The following SYNDIG1L variants were observed in gnomAD, a reference collection of about 807,000 sequenced individuals.
The protein encoded by SYNDIG1L is synapse differentiation inducing 1 like, also known as synapse differentiation-inducing gene protein 1-like.
A neutral mutation model predicts 20.1 loss-of-function variants in SYNDIG1L; 13 were observed. The observed-to-expected ratio is 0.65, with a 90% CI of 0.42 to 1.03. SYNDIG1L has a LOEUF of 1.03. SYNDIG1L is among the 50% of genes least tolerant of loss of function. SYNDIG1L has a pLI of 0.00. For synonymous variants in SYNDIG1L, 128 were observed against 129.3 expected (o/e 0.99, Z 0.07); for missense variants, 294 against 305.1 (o/e 0.96, Z 0.27).
chr14:74,468,921 G>A, the SYNDIG1L span, among the ~76,000 whole-genome samples: 2 of 152,116 alleles, frequency 1.3e-5, no homozygotes, highest in Non-Finnish European at 2.9e-5. Context: ...TAACCTCACT[G>A]TATCTTGTCT....
rs2086164323 is a variant in SYNDIG1L at position 74,415,091 on chromosome 14, G to A, written c.-57-5290C>T. 1.3e-5 allele frequency among the ~76,000 whole-genome samples: 2 copies of A among 152,206 alleles called. 1 individual carries two copies. The highest frequency in any genetic ancestry group is 4.1e-4 in the South Asian group (2 of 4,830). ...GGTGAAAAATTGGAGGTCAGGACCT[G>A]TTAAGGAGGAGGGCCCCCAATAAAT... On this transcript the variant is annotated intron_variant, in intron 1 of 3. Coordinates refer to ENST00000331628, the MANE Select transcript of SYNDIG1L (RefSeq NM_001105579.2).
At chr14:74,438,652 C>T in the SYNDIG1L span, among the ~76,000 whole-genome samples, 1 of 152,210 alleles carries the variant, frequency 6.6e-6, no homozygotes, top group Non-Finnish European at 1.5e-5. Context: ...AGAAGCCTGA[C>T]TGTCCCTTGA....
At chr14:74,457,546 A>G in the SYNDIG1L span, among the ~76,000 whole-genome samples, 1 of 151,140 alleles carries the variant, frequency 6.6e-6, no homozygotes, top group African/African-American at 2.4e-5. Flanking sequence ...CACTGGTCAC[A>G]TTTACTTTCT....
At chr14:74,413,882 G>A (rs1199984066) in intron 1 of SYNDIG1L, among the ~76,000 whole-genome samples, 1 of 152,134 alleles carries the variant, frequency 6.6e-6, no homozygotes, top group East Asian at 1.9e-4. Context: ...GTCCAGCCAA[G>A]GGTCATGGTT....
At chr14:74,445,037 G>A in the SYNDIG1L span, among the ~76,000 whole-genome samples, 3,174 of 152,276 alleles carry the variant, frequency 0.021, 102 homozygotes, top group African/African-American at 0.067. Flanking sequence ...CTAGTGGGAG[G>A]TGTCTGGGTC....
chr14:74,410,472 G>T (rs900079515), intron 1 of SYNDIG1L, among the ~76,000 whole-genome samples: 1 of 152,158 alleles, frequency 6.6e-6, no homozygotes, highest in Non-Finnish European at 1.5e-5. Flanking sequence ...CTAAGAGGGG[G>T]TACTAGGTTA....
the SYNDIG1L span, among the ~76,000 whole-genome samples, chr14:74,457,907 C>T: frequency 6.6e-6 from 1 of 152,084 alleles, no homozygotes; most frequent in Non-Finnish European, 1.5e-5. Flanking sequence ...AAGTGATTCT[C>T]CCACCCCAGC....
chr14:74,462,773 T>C, the SYNDIG1L span, among the ~76,000 whole-genome samples: 7 of 152,330 alleles, frequency 4.6e-5, no homozygotes, highest in South Asian at 1.5e-3. Context: ...CCCAAAGTGC[T>C]GCAATTACAG....
chr14:74,458,112 A>T, the SYNDIG1L span, among the ~76,000 whole-genome samples: 1 of 152,062 alleles, frequency 6.6e-6, no homozygotes, highest in Non-Finnish European at 1.5e-5. Flanking sequence ...ACAATTTCTG[A>T]GAGAAACTTG....
chr14:74,464,030 T>A, the SYNDIG1L span, among the ~76,000 whole-genome samples: 1 of 152,210 alleles, frequency 6.6e-6, no homozygotes, highest in African/African-American at 2.4e-5. Context: ...CAATTCCTTG[T>A]CCATTTCCAG....
At chr14:74,456,459 G>C in the SYNDIG1L span, among the ~76,000 whole-genome samples, 1 of 152,176 alleles carries the variant, frequency 6.6e-6, no homozygotes, top group African/African-American at 2.4e-5. Flanking sequence ...GAACCTGGGA[G>C]GGGGAGGTTG....
At chr14:74,408,532 C>CCAG (rs1270628980) in intron 2 of SYNDIG1L, among the ~76,000 whole-genome samples, 3 of 150,402 alleles carry the variant, frequency 2.0e-5, no homozygotes, top group African/African-American at 7.4e-5. Context: ...CCTTTGCACT[C>CCAG]CAGCCGGGGC....
At chr14:74,408,961 C>T (rs1460257842) in intron 2 of SYNDIG1L, among the ~76,000 whole-genome samples, 1 of 152,120 alleles carries the variant, frequency 6.6e-6, no homozygotes, top group African/African-American at 2.4e-5. Context: ...TCCCAAGTCC[C>T]TTTTCTTTGG....
the SYNDIG1L span, among the ~76,000 whole-genome samples, chr14:74,456,896 G>A: frequency 6.6e-6 from 1 of 152,194 alleles, no homozygotes; most frequent in Non-Finnish European, 1.5e-5. Context: ...CCACATGGGA[G>A]GAGAAGGCAG....
the SYNDIG1L span, chr14:74,480,020 T>C: frequency 6.8e-7 from 1 of 1,462,066 alleles, no homozygotes; most frequent in Non-Finnish European, 9.0e-7. Context: ...GTTAATGTTG[T>C]TAAAAAAAAA....
At chr14:74,469,237 A>T in the SYNDIG1L span, among the ~76,000 whole-genome samples, 3 of 152,042 alleles carry the variant, frequency 2.0e-5, no homozygotes, top group African/African-American at 7.2e-5. Flanking sequence ...GACATGGATG[A>T]AGCTGGAAAC....
At chr14:74,433,792 G>A in the SYNDIG1L span, among the ~76,000 whole-genome samples, 1 of 152,144 alleles carries the variant, frequency 6.6e-6, no homozygotes, top group South Asian at 2.1e-4. Context: ...TGGCTTGTAA[G>A]GACAGAGCCC....
At chr14:74,410,310 A>T (rs563220236) in intron 1 of SYNDIG1L, among the ~76,000 whole-genome samples, 1 of 152,240 alleles carries the variant, frequency 6.6e-6, no homozygotes, top group South Asian at 2.1e-4. Flanking sequence ...TGGGTCAATG[A>T]GGTGAAGGGG....
the SYNDIG1L span, among the ~76,000 whole-genome samples, chr14:74,475,106 G>A: frequency 1.3e-5 from 2 of 151,982 alleles, no homozygotes; most frequent in East Asian, 1.9e-4. Context: ...GAGGCCATCA[G>A]TCTTGAAAGG....
Sources: gnomAD v4.1 joint callset for allele counts (sites outside exome capture counted in the v4.1 genomes callset) on GRCh38, gnomAD v4.1.1 for gene constraint, MANE v1.5 for transcripts, NCBI Gene and HGNC (gene_info 2026-07-23, HGNC 2026-07-21) for gene names.